Variants in CWC22 observed in about 807,000 individuals in gnomAD.
The protein encoded by CWC22 is pre-mRNA-splicing factor CWC22 homolog.
CWC22 carries 53 observed loss-of-function variants against 117.2 expected under a neutral mutation model. The observed-to-expected ratio is 0.45, with a 90% CI of 0.36 to 0.57. The LOEUF (loss-of-function observed/expected upper bound fraction) is 0.57. Ranked by LOEUF, CWC22 falls within the 20% of genes least tolerant of loss-of-function variation. CWC22 has a pLI of 0.00. For missense variants in CWC22, 980 were observed against 1,068.8 expected (o/e 0.92, Z 1.16); for synonymous variants, 360 against 355.6 (o/e 1.01, Z -0.14).
chr2:179,997,134 A>G (rs796608920), intron 1 of CWC22, among the ~76,000 whole-genome samples: 12 of 152,148 alleles, frequency 7.9e-5, no homozygotes, highest in African/African-American at 2.6e-4. Flanking sequence ...TTACAGCAAA[A>G]ATTATGTCTT....
chr2:179,955,622 T>A (rs1686569269), intron 14 of CWC22, among the ~76,000 whole-genome samples: 1 of 151,954 alleles, frequency 6.6e-6, no homozygotes, highest in African/African-American at 2.4e-5. Flanking sequence ...TATAGACCTA[T>A]CTATATGGAT....
At chr2:179,971,701 G>T (rs1687039005) in intron 8 of CWC22, among the ~76,000 whole-genome samples, 1 of 152,164 alleles carries the variant, frequency 6.6e-6, no homozygotes, top group African/African-American at 2.4e-5. Flanking sequence ...ATGCCAGGAA[G>T]AGTGGGAATA....
chr2:179,951,410 T>C lies in CWC22; in HGVS notation c.1818-484A>G, dbSNP rs983302614. Among the ~76,000 whole-genome samples the C allele has an allele frequency of 4.0e-5, 6 of 150,436 alleles. No individual in the cohort carries two copies. In the South Asian group the frequency reaches 8.4e-4, roughly 21 times the overall value. The stretch of plus-strand genomic sequence containing the variant: ...AAGGATGAAGACCATATAATTACAA[T>C]ATATATGGAGTGAGACAACCAGAAA... On this transcript the variant is annotated intron_variant, in intron 17 of 19. Coordinates refer to ENST00000410053, the MANE Select transcript of CWC22 (RefSeq NM_020943.3).
chr2:179,988,216 T>C (rs959070029), intron 3 of CWC22, among the ~76,000 whole-genome samples: 3 of 152,172 alleles, frequency 2.0e-5, no homozygotes, highest in South Asian at 4.1e-4. Context: ...AAAAATATTT[T>C]AAAGACAATA....
Position 179,965,902 on chromosome 2 carries a change from C to T in CWC22, c.1291G>A (p.Glu431Lys). ...SSEEDEEEEEEEGEEDEEGQK... is the reference protein window; with the variant it reads ...SSEEDEEEEEKEGEEDEEGQK... ...CCTTCTTCATCTTCTTCTCCCTCTT[C>T]CTCTTCTTCTTCCTCGTCCTCTTCA... The change falls in exon 12 of 20, where the codon GAA becomes AAA. Residue 431 changes from glutamate to lysine, a missense_variant. Coordinates refer to ENST00000410053, the MANE Select transcript of CWC22 (RefSeq NM_020943.3). 7 of 1,571,180 alleles carry T rather than the reference C, an allele frequency of 4.5e-6. No individual in the cohort carries two copies. Among genetic ancestry groups the T allele is most frequent in the Non-Finnish European group, 6.1e-6 (7 of 1,141,156 alleles).
chr2:179,953,119 T>C (rs922902079), intron 16 of CWC22, among the ~76,000 whole-genome samples: 1 of 152,120 alleles, frequency 6.6e-6, no homozygotes, highest in African/African-American at 2.4e-5. Context: ...CTAGTTTTTA[T>C]GGGTTATGTG....
At chr2:179,957,881 A>C (rs1392041085) in intron 14 of CWC22, among the ~76,000 whole-genome samples, 1 of 152,110 alleles carries the variant, frequency 6.6e-6, no homozygotes, top group Non-Finnish European at 1.5e-5. Context: ...TTATCTACTT[A>C]ATCTGATCTT....
In CWC22 at chr2:180,001,664, G is replaced by A. The variant is rs577996665; in HGVS notation, c.-114+5203C>T. 3.9e-5 allele frequency among the ~76,000 whole-genome samples: 6 copies of A among 152,240 alleles called. No homozygotes were observed. The East Asian group carries it at 1.2e-3, about 29-fold the overall frequency. ...TAATTCTTAACCTCTCCTACCCACT[G>A]TAATTCAGCTTTCCCTTCCCACTAC... is the stretch of plus-strand genomic sequence containing the variant. On this transcript the variant is annotated intron_variant, in intron 1 of 19. Transcript: ENST00000410053.
intron 4 of CWC22, among the ~76,000 whole-genome samples, chr2:179,985,975 A>G (rs1419522196): frequency 6.6e-6 from 1 of 152,096 alleles, no homozygotes; most frequent in African/African-American, 2.4e-5. Context: ...AAATAAATAC[A>G]TATCAATAAC....
In CWC22 at chr2:179,992,292, C is replaced by A. The variant is rs562853157; in HGVS notation, c.27+1023G>T. On this transcript the variant is annotated intron_variant, in intron 2 of 19. Coordinates refer to ENST00000410053, the MANE Select transcript of CWC22 (RefSeq NM_020943.3). The stretch of plus-strand genomic sequence containing the variant: ...AGTCCACTCACAGGCAGAACAGTTT[C>A]GAAAGCAGATGGAATTACTGGTCCC... Among the ~76,000 whole-genome samples the A allele has an allele frequency of 5.9e-5, 9 of 152,154 alleles. 1 individual carries two copies. The South Asian group carries it at 1.9e-3, about 32-fold the overall frequency.
At chr2:179,982,204 G>A (rs932229286) in intron 4 of CWC22, among the ~76,000 whole-genome samples, 1 of 152,146 alleles carries the variant, frequency 6.6e-6, no homozygotes, top group Admixed American at 6.5e-5. Flanking sequence ...GGGGCAAGTC[G>A]GCAGGAGGAA....
chr2:179,985,215 A>G (rs933955564), intron 4 of CWC22, among the ~76,000 whole-genome samples: 1 of 152,102 alleles, frequency 6.6e-6, no homozygotes, highest in Non-Finnish European at 1.5e-5. Context: ...AGTGTAAAAT[A>G]TAGACATCCC....
intron 6 of CWC22, among the ~76,000 whole-genome samples, chr2:179,975,305 G>A (rs965162526): frequency 1.3e-5 from 2 of 152,040 alleles, no homozygotes; most frequent in Admixed American, 6.5e-5. Flanking sequence ...TTGGAATAAA[G>A]GCCATATATG....
chr2:179,994,091 AT>A (rs1271220257), intron 1 of CWC22, among the ~76,000 whole-genome samples: 4 of 152,232 alleles, frequency 2.6e-5, no homozygotes, highest in Admixed American at 6.5e-5. Flanking sequence ...ATGTGTTTTA[AT>A]ACTCTAAGTA....
chr2:179,962,370 C>A (rs1686774709), intron 13 of CWC22, among the ~76,000 whole-genome samples: 1 of 152,084 alleles, frequency 6.6e-6, no homozygotes, highest in Non-Finnish European at 1.5e-5. Flanking sequence ...ACATCCTATT[C>A]CTGATTTTTA....
chr2:179,996,306 A>G (rs1429816051), intron 1 of CWC22, among the ~76,000 whole-genome samples: 1 of 152,226 alleles, frequency 6.6e-6, no homozygotes, highest in African/African-American at 2.4e-5. Context: ...TTTAAAACAT[A>G]TGGAACGATG....
At chr2:179,971,917 A>C (rs1463563693) in intron 8 of CWC22, among the ~76,000 whole-genome samples, 2 of 152,214 alleles carry the variant, frequency 1.3e-5, no homozygotes, top group Admixed American at 6.5e-5. Flanking sequence ...GAGGGGTGTC[A>C]AACAGTCTTA....
At chr2:179,982,050 A>G in intron 4 of CWC22, 53 bp from the exon 5 acceptor site, 1 of 937,754 alleles carries the variant, frequency 1.1e-6, no homozygotes, top group Non-Finnish European at 1.6e-6. Flanking sequence ...ACACACTCTT[A>G]GCAATTAACT....
At chr2:180,004,770 G>C (rs879449376) in intron 1 of CWC22, among the ~76,000 whole-genome samples, 7 of 149,264 alleles carry the variant, frequency 4.7e-5, no homozygotes, top group Non-Finnish European at 3.0e-5. Context: ...AGCTGGCTTA[G>C]AAAAACAATT....
Sources: gnomAD v4.1 joint callset for allele counts (sites outside exome capture counted in the v4.1 genomes callset) on GRCh38, gnomAD v4.1.1 for gene constraint, MANE v1.5 for transcripts, NCBI Gene and HGNC (gene_info 2026-07-23, HGNC 2026-07-21) for gene names.